DST: variants seen among roughly 807,000 people sequenced by gnomAD.
DST encodes the protein bullous pemphigoid antigen.
Under a neutral mutation model 875.2 loss-of-function variants are expected in DST, and 253 were observed. That is an observed-to-expected ratio of 0.29 (90% CI 0.26 to 0.32). The LOEUF (loss-of-function observed/expected upper bound fraction) is 0.32, where lower values mean the gene tolerates loss of function less well. Ranked by LOEUF, DST falls within the 10% of genes least tolerant of loss-of-function variation. The pLI, the probability that DST is intolerant of heterozygous loss-of-function variation, is 1.00. For synonymous variants in DST, 3,124 were observed against 3,197.1 expected (o/e 0.98, Z 0.77); for missense variants, 8,287 against 9,111.6 (o/e 0.91, Z 3.68).
chr6:56,619,566 TTCTG>T, intron 36 of DST: 1 of 1,613,992 alleles, frequency 6.2e-7, no homozygotes. Context: ...GCCCTTGTGA[TTCTG>T]TCTACTTCTC....
chr6:56,867,773 C>A, intron 3 of DST, among the ~76,000 whole-genome samples: 1 of 151,630 alleles, frequency 6.6e-6, no homozygotes, highest in Non-Finnish European at 1.5e-5. Context: ...GCAGAGGATG[C>A]AGTGAGCCGA....
chr6:56,598,404 T>C, intron 46 of DST, 72 bp downstream of exon 46: 1 of 888,188 alleles, frequency 1.1e-6, no homozygotes, highest in Non-Finnish European at 1.6e-6. Flanking sequence ...TACCACTGGA[T>C]ATTAATAATA....
Position 56,472,063 on chromosome 6 carries a change from T to A in DST, c.22154A>T (p.Glu7385Val). 1 of 1,613,936 alleles carries A rather than the reference T, an allele frequency of 6.2e-7. No individual in the cohort carries two copies. Among genetic ancestry groups the A allele is most frequent in the Non-Finnish European group, 8.5e-7 (1 of 1,179,798 alleles). ...RKLNDALDRLEELREFANFDF... is the reference protein window; with the variant it reads ...RKLNDALDRLVELREFANFDF... ...TGAGGGTATGAATTTCCAAACCTCC[T>A]CTAGTCTGTCCAAGGCATCATTGAG... is the stretch of plus-strand genomic sequence containing the variant. The change falls in exon 94 of 104, where the codon GAG (glutamate) becomes GTG (valine). Residue 7385 changes from glutamate to valine, a missense_variant. Glu to Val is a moderately radical substitution (Grantham distance 121, BLOSUM62 -2). Around this residue, in one of 10 missense-constraint regions of DST, gnomAD observed 1,292 missense variants for 1,552.7 expected, o/e 0.83. Transcript: ENST00000680361.
At chr6:56,572,327 A>C (rs2097791291) in intron 52 of DST, 61 bp from the exon 53 acceptor site, 1 of 1,228,880 alleles carries the variant, frequency 8.1e-7, no homozygotes, top group African/African-American at 1.5e-5. Context: ...ATGGCATTCC[A>C]TCCAGAGGTC....
chr6:56,642,701 T>C, intron 15 of DST, 198 bp from the exon 16 acceptor site: 2 of 1,614,128 alleles, frequency 1.2e-6, no homozygotes, highest in Non-Finnish European at 1.7e-6. Flanking sequence ...AAGAGAAGAT[T>C]TTCATTTGAA....
intron 99 of DST, among the ~76,000 whole-genome samples, chr6:56,464,991 C>G (rs147467936): frequency 9.2e-5 from 14 of 152,310 alleles, no homozygotes; most frequent in South Asian, 6.2e-4. Flanking sequence ...CAACAGAACA[C>G]TATGTATTCT....
chr6:56,546,268 G>A (rs2097217664), intron 61 of DST, among the ~76,000 whole-genome samples: 1 of 144,214 alleles, frequency 6.9e-6, no homozygotes, highest in Non-Finnish European at 1.5e-5. Flanking sequence ...GAGGTTTTCT[G>A]GTGACAGTGA....
At chr6:56,567,564 A>G (rs1391823456) in intron 55 of DST, among the ~76,000 whole-genome samples, 3 of 152,172 alleles carry the variant, frequency 2.0e-5, no homozygotes, top group African/African-American at 7.2e-5. Context: ...CTTAAAAAAA[A>G]AACAACAAAA....
chr6:56,903,958 G>A (rs928197846), intron 2 of DST, among the ~76,000 whole-genome samples: 1 of 152,088 alleles, frequency 6.6e-6, no homozygotes. Context: ...TTCTAATACT[G>A]CCTTTGTCAC....
At chr6:56,875,197 G>A (rs1010533377) in intron 3 of DST, among the ~76,000 whole-genome samples, 5 of 151,918 alleles carry the variant, frequency 3.3e-5, no homozygotes, top group African/African-American at 1.2e-4. Context: ...TGTTAGCCAG[G>A]ATGGTCTCGA....
intron 28 of DST, 101 bp downstream of exon 28, chr6:56,632,753 G>T: frequency 2.2e-6 from 2 of 910,032 alleles, no homozygotes; most frequent in South Asian, 1.4e-5. Flanking sequence ...TCATAGGCTG[G>T]GTGATACAAT....
In DST at chr6:56,651,249, G is replaced by A. The variant is rs1388285845; in HGVS notation, c.1215-5C>T. On this transcript the variant is annotated splice_region_variant and splice_polypyrimidine_tract_variant and intron_variant, in intron 10 of 103. Coordinates refer to ENST00000680361, the MANE Select transcript of DST (RefSeq NM_001374736.1). ...TTCATATCTATCAGGTCCGGCCTAGGAAAAAATTCACTGTGTTAATTAGGT... is the reference window on the plus strand; with the variant it reads ...TTCATATCTATCAGGTCCGGCCTAGAAAAAAATTCACTGTGTTAATTAGGT... 1 of 1,570,470 alleles carries A rather than the reference G, an allele frequency of 6.4e-7. No homozygotes were observed. The highest frequency in any genetic ancestry group is 1.2e-5 in the South Asian group (1 of 85,808).
At chr6:56,710,860 C>T (rs2099360397) in intron 5 of DST, among the ~76,000 whole-genome samples, 1 of 152,090 alleles carries the variant, frequency 6.6e-6, no homozygotes, top group Admixed American at 6.5e-5. Context: ...CCTTATTTGG[C>T]ATGATAAAAA....
chr6:56,715,074 T>C (rs1250689731), intron 5 of DST, among the ~76,000 whole-genome samples: 3 of 152,210 alleles, frequency 2.0e-5, no homozygotes, highest in Admixed American at 2.0e-4. Context: ...GAACTTTTGT[T>C]GAATAAACAA....
At chr6:56,735,556 T>TCACCACCAC (rs138864657) in intron 4 of DST, among the ~76,000 whole-genome samples, 1 of 151,168 alleles carries the variant, frequency 6.6e-6, no homozygotes, top group Non-Finnish European at 1.5e-5. Context: ...TAACCCCTCA[T>TCACCACCAC]CACCACCACC....
chr6:56,917,509 T>C (rs1489814141), intron 2 of DST, among the ~76,000 whole-genome samples: 3 of 152,208 alleles, frequency 2.0e-5, no homozygotes, highest in African/African-American at 7.2e-5. Context: ...AGTCACCTTG[T>C]ATTGACTCCT....
intron 4 of DST, among the ~76,000 whole-genome samples, chr6:56,748,262 G>C (rs575757739): frequency 6.6e-6 from 1 of 152,216 alleles, no homozygotes; most frequent in African/African-American, 2.4e-5. Context: ...TCACTAGATT[G>C]TATTTGGTAG....
chr6:56,897,286 A>ATACTAAG (rs1308889111), intron 3 of DST, among the ~76,000 whole-genome samples: 1 of 138,362 alleles, frequency 7.2e-6, no homozygotes, highest in Non-Finnish European at 1.5e-5. Context: ...TTGGCAAAGA[A>ATACTAAG]TACTAAGTGG....
intron 4 of DST, among the ~76,000 whole-genome samples, chr6:56,849,592 G>A (rs1207497851): frequency 6.6e-6 from 1 of 152,124 alleles, no homozygotes; most frequent in Non-Finnish European, 1.5e-5. Context: ...GCACCTTCAT[G>A]TACACTGCAT....
Sources: gnomAD v4.1 joint callset for allele counts (sites outside exome capture counted in the v4.1 genomes callset) on GRCh38, gnomAD v4.1.1 for gene constraint, gnomAD v4.1.1 regional missense constraint, MANE v1.5 for transcripts, NCBI Gene and HGNC (gene_info 2026-07-23, HGNC 2026-07-21) for gene names.